Variants in RFX4 observed in about 807,000 individuals in gnomAD.
RFX4 encodes transcription factor RFX4.
Under a neutral mutation model 95.0 loss-of-function variants are expected in RFX4, and 10 were observed. That is an observed-to-expected ratio of 0.11 (90% CI 0.06 to 0.18). The LOEUF is 0.18. Among genes scored for constraint, RFX4 ranks in the 10% least tolerant of loss-of-function variants. The pLI is 1.00. For synonymous variants in RFX4, 321 were observed against 340.7 expected (o/e 0.94, Z 0.64); for missense variants, 640 against 922.0 (o/e 0.69, Z 3.96).
intron 16 of RFX4, among the ~76,000 whole-genome samples, chr12:106,749,999 G>T (rs932780497): frequency 6.6e-6 from 1 of 152,138 alleles, no homozygotes; most frequent in Admixed American, 6.5e-5. Flanking sequence ...ATACAACAGG[G>T]GTTTTAAACA....
At chr12:106,706,777 T>C in intron 8 of RFX4, among the ~76,000 whole-genome samples, 1 of 152,214 alleles carries the variant, frequency 6.6e-6, no homozygotes, top group East Asian at 1.9e-4. Context: ...ATATCTTTCA[T>C]GCAATGTGTG....
chr12:106,634,631 G>A (rs990782665), intron 2 of RFX4, among the ~76,000 whole-genome samples: 8 of 152,228 alleles, frequency 5.3e-5, no homozygotes, highest in African/African-American at 1.2e-4. Context: ...GCAGAGACCC[G>A]TGCTGCAGCC....
In RFX4 at chr12:106,586,315, G is replaced by C. The variant is rs749333739; in HGVS notation, c.43+2952G>C. Among the ~76,000 whole-genome samples the C allele has an allele frequency of 1.3e-5, 2 of 152,062 alleles. No homozygotes were observed. The highest frequency in any genetic ancestry group is 2.9e-5 in the Non-Finnish European group (2 of 67,982). ...GGGTGCTGAGCCCCGCGTGGCCTGC[G>C]CTCCCCACGCGGGCCACCGGCAGCT... is the stretch of plus-strand genomic sequence containing the variant. On this transcript the variant is annotated intron_variant, in intron 1 of 17. Coordinates refer to ENST00000392842, the MANE Select transcript of RFX4 (RefSeq NM_213594.3). This position sits in a 1 kb window ranked among gnomAD's most constrained non-coding sequence, Gnocchi z 5.6.
chr12:106,609,100 T>G (rs1428185871), intron 2 of RFX4, among the ~76,000 whole-genome samples: 1 of 152,196 alleles, frequency 6.6e-6, no homozygotes, highest in Non-Finnish European at 1.5e-5. Context: ...AGCAAAAACT[T>G]GCTGTTTACA....
intron 1 of RFX4, among the ~76,000 whole-genome samples, chr12:106,608,089 TGA>T (rs377525827): frequency 5.9e-5 from 9 of 152,220 alleles, no homozygotes; most frequent in African/African-American, 2.2e-4. Flanking sequence ...CTCAGGAGGC[TGA>T]GGCAGGAGAA....
At position 106,732,961 on chromosome 12, in the gene RFX4, C is replaced by A; in HGVS notation, c.1509C>A (p.Ala503=). Residue 503 remains alanine, a synonymous_variant, in exon 15 of 18, where the codon GCC becomes GCA. Transcript: ENST00000392842. ...AAGAGATCATCTTGACAGAGGCTGC[C>A]GCACCAACCCCTTCACCAGTGCCAT... The part of the protein sequence containing the change: ...VREEIILTEA[A]APTPSPVPSF... 2 of 1,614,152 alleles carry A rather than the reference C, an allele frequency of 1.2e-6. No individual in the cohort carries two copies.
At chr12:106,623,522 G>T (rs912998023) in intron 2 of RFX4, among the ~76,000 whole-genome samples, 2 of 152,180 alleles carry the variant, frequency 1.3e-5, no homozygotes, top group East Asian at 3.8e-4. Flanking sequence ...TACTAGACTA[G>T]AAAGCCCCAA....
intron 3 of RFX4, among the ~76,000 whole-genome samples, chr12:106,640,543 A>G (rs2040600455): frequency 6.6e-6 from 1 of 152,174 alleles, no homozygotes; most frequent in Non-Finnish European, 1.5e-5. Flanking sequence ...CAAGAGCTCT[A>G]TTTCCAGCCT....
intron 4 of RFX4, among the ~76,000 whole-genome samples, chr12:106,676,893 GCTT>G (rs2041402619): frequency 1.3e-5 from 2 of 152,332 alleles, no homozygotes; most frequent in South Asian, 4.1e-4. Context: ...GGAATGAGAG[GCTT>G]CGAGACATTC....
chr12:106,648,796 C>T (rs2040804474), intron 3 of RFX4, among the ~76,000 whole-genome samples: 1 of 152,038 alleles, frequency 6.6e-6, no homozygotes, highest in African/African-American at 2.4e-5. Flanking sequence ...TAAAAGATCT[C>T]TGCATATACA....
At chr12:106,652,968 A>AG (rs1483679985) in intron 3 of RFX4, among the ~76,000 whole-genome samples, 3 of 152,188 alleles carry the variant, frequency 2.0e-5, no homozygotes, top group Non-Finnish European at 4.4e-5. Context: ...TTTTCCAGTC[A>AG]CTTTATCCCC....
At chr12:106,584,309 T>C (rs1258208393) in intron 1 of RFX4, among the ~76,000 whole-genome samples, 2 of 152,132 alleles carry the variant, frequency 1.3e-5, no homozygotes, top group Non-Finnish European at 2.9e-5. Context: ...GAAGTTCTCT[T>C]ACAGTTCACC....
At chr12:106,735,151 TAATAATTTCAATAGATAGGTTG>T (rs901773977) in intron 15 of RFX4, among the ~76,000 whole-genome samples, 421 of 149,136 alleles carry the variant, frequency 2.8e-3, no homozygotes, top group African/African-American at 0.01. Flanking sequence ...ATTGTTGAAA[TAATAATTTCAATAGATAGGTTG>T]AATATTAGAA....
chr12:106,702,195 C>G (rs1415974347), intron 8 of RFX4, among the ~76,000 whole-genome samples: 1 of 151,760 alleles, frequency 6.6e-6, no homozygotes, highest in Non-Finnish European at 1.5e-5. Context: ...TGTTTTGTTT[C>G]TTGACAGTAG....
intron 1 of RFX4, among the ~76,000 whole-genome samples, chr12:106,606,885 T>C (rs555218052): frequency 7.0e-4 from 107 of 152,324 alleles, no homozygotes; most frequent in Admixed American, 2.0e-3. Flanking sequence ...GGCTTCTTTT[T>C]ATGGTGTGTA....
intron 15 of RFX4, among the ~76,000 whole-genome samples, chr12:106,742,557 C>CA (rs2042825417): frequency 6.6e-6 from 1 of 152,152 alleles, no homozygotes; most frequent in Non-Finnish European, 1.5e-5. Flanking sequence ...CTTTGTTACT[C>CA]AAAGTGTGGT....
At chr12:106,693,502 A>C (rs2041824272) in intron 7 of RFX4, among the ~76,000 whole-genome samples, 1 of 152,186 alleles carries the variant, frequency 6.6e-6, no homozygotes, top group African/African-American at 2.4e-5. Flanking sequence ...AAATGAATTC[A>C]AAATGTGTCA....
chr12:106,588,119 C>G (rs1341610341), intron 1 of RFX4, among the ~76,000 whole-genome samples: 1 of 152,198 alleles, frequency 6.6e-6, no homozygotes, highest in African/African-American at 2.4e-5. Context: ...CTGGTTACCA[C>G]TATCTGAAAT....
At chr12:106,703,830 C>T (rs1463904014) in intron 8 of RFX4, among the ~76,000 whole-genome samples, 1 of 152,120 alleles carries the variant, frequency 6.6e-6, no homozygotes, top group Non-Finnish European at 1.5e-5. Context: ...CTTTGGGAGT[C>T]CGAGGCAGGT....
Sources: allele counts gnomAD v4.1 joint callset (sites outside exome capture counted in the v4.1 genomes callset), GRCh38; gene constraint gnomAD v4.1.1; non-coding constraint Gnocchi (gnomAD v3.1); transcripts MANE v1.5; gene names NCBI Gene and HGNC (gene_info 2026-07-23, HGNC 2026-07-21).